The following CLCN7 variants were observed in gnomAD, a reference collection of about 807,000 sequenced individuals.
CLCN7 encodes the protein Cl-/H+ antiporter 7, also known as H(+)/Cl(-) exchange transporter 7.
CLCN7 carries 60 observed loss-of-function variants against 102.1 expected under a neutral mutation model. The ratio of observed to expected loss-of-function variants is 0.59; its 90% CI spans 0.48 to 0.73. The LOEUF (loss-of-function observed/expected upper bound fraction) is 0.73, where lower values mean the gene tolerates loss of function less well. Among genes scored for constraint, CLCN7 ranks in the 30% least tolerant of loss-of-function variants. CLCN7 has a pLI of 0.00. For missense variants in CLCN7, 962 were observed against 1,125.7 expected (o/e 0.85, Z 2.08); for synonymous variants, 560 against 490.5 (o/e 1.14, Z -1.87).
intron 4 of CLCN7, 68 bp from the exon 5 acceptor site, chr16:1,461,016 C>T (rs546223666): frequency 5.1e-6 from 8 of 1,576,288 alleles, no homozygotes; most frequent in East Asian, 2.3e-5. Context: ...GCAGCAGGAC[C>T]GCCCAGACCG....
chr16:1,449,797 G>A (rs1211190337), intron 17 of CLCN7: 7 of 211,528 alleles, frequency 3.3e-5, no homozygotes, highest in South Asian at 6.8e-5. Flanking sequence ...GCACTGCCTC[G>A]TGAACGTGAG....
rs1458357140 is a variant in CLCN7 at position 1,474,935 on chromosome 16, C to T, written c.40G>A (p.Asp14Asn). ...VSKKVSWSGR[D>N]RDDEEAAPLL... ...GGCGCCGCCTCCTCGTCGTCCCGGT[C>T]CCGGCCGGACCAGGACACCTTCTTA... The change falls in exon 1 of 25, where the codon GAC becomes AAC. Residue 14 changes from aspartate (D) to asparagine (N), a missense_variant. Around this residue, in one of 2 missense-constraint regions of CLCN7, gnomAD observed 163 missense variants for 137.7 expected, o/e 1.18. Transcript: ENST00000382745. 25 of 1,483,898 alleles carry T rather than the reference C, an allele frequency of 1.7e-5. No homozygotes were observed. The highest frequency in any genetic ancestry group is 2.9e-5 in the East Asian group (1 of 34,268). 91.9% of individuals were successfully genotyped at this position (1,483,898 alleles called of 1,614,324 possible).
intron 2 of CLCN7, among the ~76,000 whole-genome samples, chr16:1,464,321 T>C (rs1237276608): frequency 6.6e-6 from 1 of 152,190 alleles, no homozygotes; most frequent in East Asian, 1.9e-4. Flanking sequence ...TTGCTGAATC[T>C]CACGTGCTGG....
At chr16:1,447,831 C>G (rs1305518788) in intron 21 of CLCN7, 117 bp from the exon 22 acceptor site, 1 of 1,180,696 alleles carries the variant, frequency 8.5e-7, no homozygotes, top group Non-Finnish European at 1.2e-6. Flanking sequence ...TGGGCATGGG[C>G]CCCGTGTCGG....
intron 1 of CLCN7, among the ~76,000 whole-genome samples, chr16:1,473,983 C>T (rs2039115367): frequency 6.6e-6 from 1 of 152,000 alleles, no homozygotes; most frequent in Non-Finnish European, 1.5e-5. Context: ...ACTCAGGAGG[C>T]TGAGGCAGGA....
In CLCN7 at chr16:1,468,848, AG is replaced by A. The variant is rs371039225; in HGVS notation, c.142-3511del. ...GGGGAAACTCGGTGAAGGGTACACA[AG>A]CCCCCTGTGCTACCTTTGCTGCTTC... is the stretch of plus-strand genomic sequence containing the variant. On this transcript the variant is annotated intron_variant, in intron 1 of 24. Transcript: ENST00000382745. Among the ~76,000 whole-genome samples, 67 of 152,230 alleles carry A rather than the reference AG, an allele frequency of 4.4e-4. No homozygotes were observed. The South Asian group carries it at 0.014, about 31-fold the overall frequency.
chr16:1,447,975 C>A (rs2038680712), intron 21 of CLCN7, among the ~76,000 whole-genome samples: 1 of 152,206 alleles, frequency 6.6e-6, no homozygotes, highest in African/African-American at 2.4e-5. Flanking sequence ...GGTGGCTTTG[C>A]TGCAGGGCAG....
At chr16:1,450,445 A>G (rs1369723071) in intron 17 of CLCN7, 52 bp downstream of exon 17, 3 of 1,527,258 alleles carry the variant, frequency 2.0e-6, no homozygotes, top group Non-Finnish European at 2.7e-6. Context: ...GCGATGCCGC[A>G]AGACCTGGCT....
In CLCN7 at chr16:1,457,306, A is replaced by C; in HGVS notation, c.770T>G (p.Ile257Ser). The change falls in exon 9 of 25, where the codon ATT becomes AGT. Residue 257 changes from isoleucine to serine, a missense_variant. Transcript: ENST00000382745. The surrounding 1 kb of genome is among the most constrained non-coding windows in gnomAD (Gnocchi z 5.4). ...EGPMIHSGSV[I>S]AAGISQGRST... ...CCTTCCCTGAGAGATCCCGGCGGCA[A>C]TCACTGAACCTGAGTGGATCATCGG... The C allele has an allele frequency of 1.2e-6, 2 of 1,613,998 alleles. No individual in the cohort carries two copies.
In CLCN7 at chr16:1,449,259, C is replaced by T. The variant is rs1419461799; in HGVS notation, c.1669+17G>A. 6.3e-7 allele frequency: 1 copy of T among 1,579,472 alleles called. No individual in the cohort carries two copies. Among genetic ancestry groups the T allele is most frequent in the Admixed American group, 1.8e-5 (1 of 54,874 alleles). ...CCCGTGGAGCTCCCCACCCATCGGG[C>T]AAGAGCTGGGACATACCCAGCTGGG... On this transcript the variant is annotated intron_variant, in intron 18 of 24. Coordinates refer to ENST00000382745, the MANE Select transcript of CLCN7 (RefSeq NM_001287.6).
chr16:1,455,121 T>C lies in CLCN7; in HGVS notation c.1098+13A>G, dbSNP rs1365632743. 4.1e-6 allele frequency: 6 copies of C among 1,476,462 alleles called. No individual in the cohort carries two copies. The highest frequency in any genetic ancestry group is 1.4e-5 in the African/African-American group (1 of 72,294). 91.5% of individuals were successfully genotyped at this position (1,476,462 alleles called of 1,614,324 possible). On this transcript the variant is annotated intron_variant, in intron 12 of 24. Coordinates refer to ENST00000382745, the MANE Select transcript of CLCN7 (RefSeq NM_001287.6). ...GATACGAGGTGGGCGAGGTGGGCGATGGGGCAGGTTACCTCCGAGTCAAAC... is the reference window on the plus strand; with the variant it reads ...GATACGAGGTGGGCGAGGTGGGCGACGGGGCAGGTTACCTCCGAGTCAAAC...
intron 13 of CLCN7, 111 bp from the exon 14 acceptor site, chr16:1,454,005 G>A (rs765075463): frequency 3.0e-6 from 3 of 991,244 alleles, no homozygotes; most frequent in Admixed American, 1.9e-5. Context: ...GGAAGGGGAC[G>A]GCAGGGGGCT....
At position 1,445,490 on chromosome 16, in the gene CLCN7, C is replaced by CT. The variant is rs2038622308; in HGVS notation, c.*1140_*1141insA. 1 of 152,306 alleles carries CT rather than the reference C, an allele frequency of 6.6e-6. No homozygotes were observed. Among genetic ancestry groups the CT allele is most frequent in the African/African-American group, 2.4e-5 (1 of 41,458 alleles). 9.4% of individuals were successfully genotyped at this position (152,306 alleles called of 1,614,324 possible). Reference sequence around the variant, plus strand: ...CACGGCAGGGGGCCGCACCCAGCCCCCCACGGAGGGACCCGTGTTGCTCTA... The same window carrying CT: ...CACGGCAGGGGGCCGCACCCAGCCCCTCCACGGAGGGACCCGTGTTGCTCTA... On this transcript the variant is annotated 3_prime_UTR_variant, in exon 25 of 25. Coordinates refer to ENST00000382745, the MANE Select transcript of CLCN7 (RefSeq NM_001287.6).
intron 1 of CLCN7, among the ~76,000 whole-genome samples, chr16:1,465,643 G>A (rs8055213): frequency 0.011 from 1,653 of 152,324 alleles, 35 homozygotes; most frequent in African/African-American, 0.037. Flanking sequence ...AAGAAGGGCT[G>A]GACAACACGC....
intron 17 of CLCN7, 187 bp from the exon 18 acceptor site, chr16:1,449,514 T>C (rs2038709006): frequency 6.4e-6 from 4 of 624,986 alleles, no homozygotes; most frequent in South Asian, 3.7e-5. Context: ...ATCCTTGGCC[T>C]GAACCAGGCG....
chr16:1,460,064 G>C (rs1200527502), intron 6 of CLCN7, among the ~76,000 whole-genome samples: 1 of 152,074 alleles, frequency 6.6e-6, no homozygotes, highest in Non-Finnish European at 1.5e-5. Flanking sequence ...CGTTGGGGTA[G>C]CTGCTCTCAC....
At chr16:1,451,494 G>A in intron 16 of CLCN7, 129 bp downstream of exon 16, 1 of 724,644 alleles carries the variant, frequency 1.4e-6, no homozygotes, top group South Asian at 1.6e-5. Context: ...GTGAGTCCCT[G>A]CTATGATCCA....
chr16:1,450,439 T>G, intron 17 of CLCN7, 58 bp downstream of exon 17: 1 of 1,502,844 alleles, frequency 6.7e-7, no homozygotes, highest in Non-Finnish European at 9.1e-7. Flanking sequence ...CGGCCCGCGA[T>G]GCCGCAAGAC....
At chr16:1,460,126 T>G in intron 6 of CLCN7, among the ~76,000 whole-genome samples, 1 of 148,364 alleles carries the variant, frequency 6.7e-6, no homozygotes. Flanking sequence ...GAGGTGGAGA[T>G]GGAAGGAGGG....
Sources: gnomAD v4.1 joint callset for allele counts (sites outside exome capture counted in the v4.1 genomes callset) on GRCh38, gnomAD v4.1.1 for gene constraint, gnomAD v4.1.1 regional missense constraint, Gnocchi (gnomAD v3.1) non-coding constraint, MANE v1.5 for transcripts, NCBI Gene and HGNC (gene_info 2026-07-23, HGNC 2026-07-21) for gene names.